Variants in SLAIN1 observed in about 807,000 individuals in gnomAD.
SLAIN1 encodes the protein SLAIN motif-containing protein 1.
A neutral mutation model predicts 55.4 loss-of-function variants in SLAIN1; 17 were observed. The ratio of observed to expected loss-of-function variants is 0.31; its 90% CI spans 0.21 to 0.46. SLAIN1 has a LOEUF of 0.46. Among genes scored for constraint, SLAIN1 ranks in the 20% least tolerant of loss-of-function variants. The pLI, the probability that SLAIN1 is intolerant of heterozygous loss-of-function variation, is 1.00. For missense variants in SLAIN1, 682 were observed against 785.1 expected, an observed-to-expected ratio of 0.87 and a Z score of 1.57; for synonymous variants, 348 against 337.4, an observed-to-expected ratio of 1.03 and a Z score of -0.35.
chr13:77,761,142 C>T (rs768174102), intron 6 of SLAIN1, 32 bp downstream of exon 6: 1 of 1,605,628 alleles, frequency 6.2e-7, no homozygotes, highest in Non-Finnish European at 8.5e-7. Context: ...ACTTCATTTG[C>T]AGTTTGGAAC....
intron 1 of SLAIN1, among the ~76,000 whole-genome samples, chr13:77,713,713 C>T (rs1437678290): frequency 1.3e-5 from 2 of 152,160 alleles, no homozygotes; most frequent in African/African-American, 4.8e-5. Flanking sequence ...TATAAAGACA[C>T]ATGCACACGT....
chr13:77,731,682 C>A (rs1872867706), intron 2 of SLAIN1, among the ~76,000 whole-genome samples: 1 of 152,026 alleles, frequency 6.6e-6, no homozygotes, highest in Non-Finnish European at 1.5e-5. Context: ...TAGTGATCAC[C>A]TTATAGCTAT....
intron 2 of SLAIN1, among the ~76,000 whole-genome samples, chr13:77,738,650 G>A (rs567210327): frequency 6.6e-6 from 1 of 152,186 alleles, no homozygotes; most frequent in East Asian, 1.9e-4. Context: ...TCACTTATAA[G>A]TGGGAGCTGA....
rs901355137 is a variant in SLAIN1, at chr13:77,697,837, C to G, written c.-77C>G. The G allele has an allele frequency of 1.5e-5, 19 of 1,229,624 alleles. No homozygotes were observed. The African/African-American group carries it at 2.3e-4, about 15-fold the overall frequency. 76.2% of individuals were successfully genotyped at this position (1,229,624 alleles called of 1,614,324 possible). On this transcript the variant is annotated 5_prime_UTR_variant, in exon 1 of 7. Transcript: ENST00000418532. ...CAGGCCGGGGCGACAGGGAAGGAGC[C>G]GTAGCCTCCCCGTGGCCCGAGGAGC...
chr13:77,709,754 G>C (rs994794325), intron 1 of SLAIN1, among the ~76,000 whole-genome samples: 1 of 151,978 alleles, frequency 6.6e-6, no homozygotes, highest in Admixed American at 6.5e-5. Context: ...CCTGAAGGAA[G>C]CACTAAATAT....
intron 1 of SLAIN1, among the ~76,000 whole-genome samples, chr13:77,715,516 C>A (rs2091197864): frequency 6.6e-6 from 1 of 151,774 alleles, no homozygotes; most frequent in Admixed American, 6.6e-5. Flanking sequence ...CTGCCAAACT[C>A]TTTTCCAAAG....
At chr13:77,716,123 G>GT (rs756094692) in intron 1 of SLAIN1, among the ~76,000 whole-genome samples, 135 of 142,566 alleles carry the variant, frequency 9.5e-4, no homozygotes, top group Middle Eastern at 3.8e-3. Context: ...TCAAAGTTTT[G>GT]TTTTTTTTTT....
intron 1 of SLAIN1, among the ~76,000 whole-genome samples, chr13:77,705,717 A>G (rs1024977397): frequency 6.6e-6 from 1 of 151,648 alleles, no homozygotes; most frequent in East Asian, 1.9e-4. Flanking sequence ...TTTTAGCCAC[A>G]TGATCTCTAT....
intron 4 of SLAIN1, among the ~76,000 whole-genome samples, chr13:77,747,330 T>C (rs1873908225): frequency 6.6e-6 from 1 of 152,090 alleles, no homozygotes; most frequent in Non-Finnish European, 1.5e-5. Flanking sequence ...TAAATTTGCG[T>C]CTCTAATTGA....
intron 1 of SLAIN1, among the ~76,000 whole-genome samples, chr13:77,718,412 A>C (rs1055796897): frequency 2.6e-5 from 4 of 152,166 alleles, no homozygotes; most frequent in Non-Finnish European, 5.9e-5. Flanking sequence ...GACAGAGATC[A>C]TGTGGCTTAC....
At chr13:77,742,730 A>G (rs1470651422) in intron 2 of SLAIN1, 1 of 152,676 alleles carries the variant, frequency 6.5e-6, no homozygotes, top group Non-Finnish European at 1.5e-5. Flanking sequence ...AAACATTTCT[A>G]ACGTAGAAAC....
intron 2 of SLAIN1, among the ~76,000 whole-genome samples, chr13:77,731,681 C>T (rs1872867515): frequency 6.6e-6 from 1 of 151,994 alleles, no homozygotes; most frequent in African/African-American, 2.4e-5. Flanking sequence ...CTAGTGATCA[C>T]CTTATAGCTA....
Position 77,698,972 on chromosome 13 carries a change from A to G in SLAIN1, c.626+433A>G, listed in dbSNP as rs1344508465. 2 of 1,534,446 alleles carry G rather than the reference A, an allele frequency of 1.3e-6. No individual in the cohort carries two copies. The highest frequency in any genetic ancestry group is 4.9e-5 in the East Asian group (2 of 40,912). On this transcript the variant is annotated intron_variant, in intron 1 of 6. Coordinates refer to ENST00000418532, the MANE Select transcript of SLAIN1 (RefSeq NM_001242868.2). The surrounding 1 kb of genome is among the most constrained non-coding windows in gnomAD (Gnocchi z 4.1). ...GCGACTGTTACTGTTCTTTCGTTTT[A>G]AACGAACGCTGGACAGGATTTGCGT...
chr13:77,699,697 A>G (rs903830424), intron 1 of SLAIN1, among the ~76,000 whole-genome samples: 4 of 152,196 alleles, frequency 2.6e-5, no homozygotes, highest in African/African-American at 9.7e-5. Flanking sequence ...TCAAGAATCA[A>G]AATATATGGA....
At chr13:77,722,471 A>G (rs1289887589) in intron 2 of SLAIN1, among the ~76,000 whole-genome samples, 6 of 152,156 alleles carry the variant, frequency 3.9e-5, no homozygotes, top group Non-Finnish European at 7.4e-5. Context: ...TTTCCCAGAT[A>G]TACTTAAGAA....
chr13:77,723,943 A>C (rs949023549), intron 2 of SLAIN1, among the ~76,000 whole-genome samples: 4 of 152,088 alleles, frequency 2.6e-5, no homozygotes, highest in South Asian at 2.1e-4. Context: ...AAAAAAAAAA[A>C]AAAACACATC....
chr13:77,749,497 A>G (rs1040995804), intron 4 of SLAIN1, among the ~76,000 whole-genome samples: 3 of 152,136 alleles, frequency 2.0e-5, no homozygotes, highest in East Asian at 1.9e-4. Flanking sequence ...TTGGTGGACA[A>G]TGAGTGTCTC....
Position 77,698,110 on chromosome 13 carries a change from C to T in SLAIN1, c.197C>T (p.Pro66Leu). ...APHLLLLPPP[P>L]PAAPPPAGLQ... Reference sequence around the variant, plus strand: ...CACCTGCTGCTGCTGCCGCCGCCGCCGCCCGCCGCGCCGCCCCCCGCTGGC... The same window carrying T: ...CACCTGCTGCTGCTGCCGCCGCCGCTGCCCGCCGCGCCGCCCCCCGCTGGC... The change falls in exon 1 of 7, where the codon CCG becomes CTG. Residue 66 changes from proline to leucine, a missense_variant. Pro to Leu is a moderately conservative substitution (Grantham distance 98). This residue lies in a region of SLAIN1 where 401 missense variants were observed against 417.3 expected (regional missense o/e 0.96). Transcript: ENST00000418532. This position sits in a 1 kb window ranked among gnomAD's most constrained non-coding sequence, Gnocchi z 4.1. The T allele has an allele frequency of 9.6e-7, 1 of 1,037,808 alleles. No individual in the cohort carries two copies. Among genetic ancestry groups the T allele is most frequent in the South Asian group, 4.9e-5 (1 of 20,596 alleles). 64.3% of individuals were successfully genotyped at this position (1,037,808 alleles called of 1,614,324 possible).
At chr13:77,700,670 C>A (rs1352947664) in intron 1 of SLAIN1, among the ~76,000 whole-genome samples, 3 of 152,140 alleles carry the variant, frequency 2.0e-5, no homozygotes, top group African/African-American at 7.2e-5. Flanking sequence ...TTTATCACTG[C>A]AGACTATAGT....
Sources: gnomAD v4.1 joint callset for allele counts (sites outside exome capture counted in the v4.1 genomes callset) on GRCh38, gnomAD v4.1.1 for gene constraint, gnomAD v4.1.1 regional missense constraint, Gnocchi (gnomAD v3.1) non-coding constraint, MANE v1.5 for transcripts, NCBI Gene and HGNC (gene_info 2026-07-23, HGNC 2026-07-21) for gene names.